CPQ: variants seen among roughly 807,000 people sequenced by gnomAD.
CPQ encodes the protein Ser-Met dipeptidase.
A neutral mutation model predicts 45.7 loss-of-function variants in CPQ; 37 were observed. The ratio of observed to expected loss-of-function variants is 0.81; its 90% CI spans 0.62 to 1.07. The LOEUF (loss-of-function observed/expected upper bound fraction) is 1.07. Ranked by LOEUF, CPQ falls within the 50% of genes least tolerant of loss-of-function variation. The probability of loss-of-function intolerance (pLI) is 0.00; values close to 1 mark genes in which losing one functional copy is unlikely to be tolerated. For synonymous variants in CPQ, 186 were observed against 205.8 expected (o/e 0.90, Z 0.82); for missense variants, 537 against 572.9 (o/e 0.94, Z 0.64).
chr8:96,956,814 T>G (rs576350243), intron 4 of CPQ, among the ~76,000 whole-genome samples: 49 of 152,344 alleles, frequency 3.2e-4, no homozygotes, highest in Middle Eastern at 3.4e-3. Flanking sequence ...AAATTTGGCT[T>G]GTTTCCTAGA....
In CPQ at chr8:96,691,142, G is replaced by A. The variant is rs1432052650; in HGVS notation, c.-35+45740G>A. ...TGAAAAGCTGAAGTTCTAAATGAAG[G>A]TAACAGCAGGGATGCTGTTCCTTCA... On this transcript the variant is annotated intron_variant, in intron 1 of 7. Coordinates refer to ENST00000220763, the MANE Select transcript of CPQ (RefSeq NM_016134.4). Among the ~76,000 whole-genome samples, 5 of 152,138 alleles carry A rather than the reference G, an allele frequency of 3.3e-5. No individual in the cohort carries two copies. The East Asian group carries it at 9.6e-4, about 29-fold the overall frequency.
At position 96,850,478 on chromosome 8, in the gene CPQ, T is replaced by A. The variant is rs1419955377; in HGVS notation, c.641+15298T>A. 2.6e-5 allele frequency among the ~76,000 whole-genome samples: 4 copies of A among 152,204 alleles called. No individual in the cohort carries two copies. In the East Asian group the frequency reaches 7.7e-4, roughly 29 times the overall value. On this transcript the variant is annotated intron_variant, in intron 3 of 7. Coordinates refer to ENST00000220763, the MANE Select transcript of CPQ (RefSeq NM_016134.4). ...CCATAATATCATGGTGTATTTAAAA[T>A]ACTGCTCATTGCAATCCTTTTGAAA...
chr8:96,794,491 A>G (rs974346984), intron 2 of CPQ, among the ~76,000 whole-genome samples: 8 of 152,268 alleles, frequency 5.3e-5, no homozygotes, highest in African/African-American at 1.9e-4. Flanking sequence ...CAGGCCTGTA[A>G]TGGGAGGAGC....
chr8:96,736,901 G>A (rs1241809696), intron 1 of CPQ, among the ~76,000 whole-genome samples: 1 of 152,034 alleles, frequency 6.6e-6, no homozygotes, highest in Non-Finnish European at 1.5e-5. Flanking sequence ...TTCACCTAAG[G>A]AATTTAGTAA....
chr8:97,119,612 G>A (rs1811663692), intron 7 of CPQ, among the ~76,000 whole-genome samples: 1 of 152,136 alleles, frequency 6.6e-6, no homozygotes, highest in Non-Finnish European at 1.5e-5. Flanking sequence ...ACTCAGAAAT[G>A]ATGACTGATG....
intron 1 of CPQ, among the ~76,000 whole-genome samples, chr8:96,727,387 A>G (rs1809857261): frequency 6.6e-6 from 1 of 152,120 alleles, no homozygotes; most frequent in South Asian, 2.1e-4. Context: ...ATCTACTTTC[A>G]CCTTAGGTCA....
chr8:96,897,306 C>T (rs1453829658), intron 4 of CPQ, among the ~76,000 whole-genome samples: 1 of 152,154 alleles, frequency 6.6e-6, no homozygotes, highest in Admixed American at 6.6e-5. Flanking sequence ...AGACCACAAA[C>T]TCAACCTCTA....
intron 3 of CPQ, among the ~76,000 whole-genome samples, chr8:96,840,924 A>G (rs555362501): frequency 6.6e-6 from 1 of 152,326 alleles, no homozygotes; most frequent in African/African-American, 2.4e-5. Flanking sequence ...ATTTGGTGAT[A>G]TATCTTGTAT....
intron 3 of CPQ, among the ~76,000 whole-genome samples, chr8:96,868,845 A>G (rs1006236304): frequency 6.6e-6 from 1 of 151,992 alleles, no homozygotes; most frequent in African/African-American, 2.4e-5. Flanking sequence ...GCTGCAAAAT[A>G]TTCCACTGAA....
chr8:96,837,242 A>G (rs554840042), intron 3 of CPQ, among the ~76,000 whole-genome samples: 2 of 152,348 alleles, frequency 1.3e-5, no homozygotes, highest in South Asian at 4.1e-4. Context: ...TTTTAGAACC[A>G]AATTTCTTTG....
At chr8:96,924,852 T>C (rs1185378726) in intron 4 of CPQ, among the ~76,000 whole-genome samples, 1 of 152,238 alleles carries the variant, frequency 6.6e-6, no homozygotes, top group Non-Finnish European at 1.5e-5. Flanking sequence ...CCATCTACTT[T>C]GGATCCGTTC....
intron 3 of CPQ, among the ~76,000 whole-genome samples, chr8:96,852,683 C>G (rs953480775): frequency 5.3e-5 from 8 of 152,114 alleles, no homozygotes; most frequent in Non-Finnish European, 8.8e-5. Context: ...GCTGAACTGT[C>G]TGGGGGAAAC....
intron 1 of CPQ, among the ~76,000 whole-genome samples, chr8:96,672,498 G>A (rs1563698067): frequency 6.6e-6 from 1 of 152,154 alleles, no homozygotes; most frequent in South Asian, 2.1e-4. Flanking sequence ...AAGCAAAGGA[G>A]TTGGAAAACA....
At chr8:97,067,997 A>T (rs2513399) in intron 7 of CPQ, among the ~76,000 whole-genome samples, 1 of 152,136 alleles carries the variant, frequency 6.6e-6, no homozygotes, top group Middle Eastern at 3.4e-3. Flanking sequence ...TGAGGAAAAG[A>T]CTGGTAGACT....
chr8:96,887,491 A>G (rs116219261), intron 4 of CPQ, among the ~76,000 whole-genome samples: 2,500 of 152,216 alleles, frequency 0.016, 69 homozygotes, highest in African/African-American at 0.054. Flanking sequence ...GTTTTAATTT[A>G]TGATGCTTTC....
intron 1 of CPQ, among the ~76,000 whole-genome samples, chr8:96,699,490 T>C (rs1779190245): frequency 6.6e-6 from 1 of 152,160 alleles, no homozygotes; most frequent in African/African-American, 2.4e-5. Flanking sequence ...AAGAGTATAA[T>C]TGGATTACTT....
chr8:97,001,022 A>G (rs1809271107), intron 5 of CPQ, among the ~76,000 whole-genome samples: 1 of 151,914 alleles, frequency 6.6e-6, no homozygotes, highest in Non-Finnish European at 1.5e-5. Context: ...AAGTTTATTT[A>G]TGATTTGGTT....
chr8:96,966,040 G>A lies in CPQ; in HGVS notation c.955G>A (p.Asp319Asn), dbSNP rs1813553699. Reference sequence around the variant, plus strand: ...ATGGGAAGCACTCTCACTTATTAAAGATCTTGGTAAATATTTAGAAAATTG... The same window carrying A: ...ATGGGAAGCACTCTCACTTATTAAAAATCTTGGTAAATATTTAGAAAATTG... ...ISWEALSLIK[D>N]LGLRPKRTLR... The change falls in exon 5 of 8, where the codon GAT becomes AAT. Residue 319 changes from aspartate (D) to asparagine (N), a missense_variant. By Grantham distance (23) the Asp-to-Asn change is conservative (BLOSUM62 1). Coordinates refer to ENST00000220763, the MANE Select transcript of CPQ (RefSeq NM_016134.4). 2.5e-6 allele frequency: 4 copies of A among 1,607,870 alleles called. No homozygotes were observed. Among genetic ancestry groups the A allele is most frequent in the Non-Finnish European group, 3.4e-6 (4 of 1,176,046 alleles).
chr8:96,763,671 T>TA (rs1810433549), intron 1 of CPQ, among the ~76,000 whole-genome samples: 1 of 151,820 alleles, frequency 6.6e-6, no homozygotes, highest in South Asian at 2.1e-4. Flanking sequence ...CCAGAATATA[T>TA]AAAAAACTCT....
Sources: allele counts gnomAD v4.1 joint callset (sites outside exome capture counted in the v4.1 genomes callset), GRCh38; gene constraint gnomAD v4.1.1; transcripts MANE v1.5; gene names NCBI Gene and HGNC (gene_info 2026-07-23, HGNC 2026-07-21).